Variants in FAM184A observed in about 807,000 individuals in gnomAD.
The protein encoded by FAM184A is protein FAM184A.
In FAM184A, 99 loss-of-function variants were observed where a neutral mutation model predicts 143.8. The ratio of observed to expected loss-of-function variants is 0.69; its 90% CI spans 0.58 to 0.81. FAM184A has a LOEUF of 0.81. Ranked by LOEUF, FAM184A falls within the 40% of genes least tolerant of loss-of-function variation. The probability of loss-of-function intolerance (pLI) is 0.00; values close to 1 mark genes in which losing one functional copy is unlikely to be tolerated. For synonymous variants in FAM184A, 427 were observed against 446.4 expected (o/e 0.96, Z 0.55); for missense variants, 1,217 against 1,310.5 (o/e 0.93, Z 1.10).
chr6:119,096,841 C>G (rs1408072323), intron 1 of FAM184A, among the ~76,000 whole-genome samples: 1 of 152,144 alleles, frequency 6.6e-6, no homozygotes, highest in Non-Finnish European at 1.5e-5. Flanking sequence ...TTGCTTCTCT[C>G]AGGTCCAGGC....
intron 1 of FAM184A, among the ~76,000 whole-genome samples, chr6:119,034,035 TATATATAGAGAGAG>T (rs1346083566): frequency 1.4e-3 from 47 of 34,268 alleles, no homozygotes; most frequent in Non-Finnish European, 2.0e-3. Flanking sequence ...TATATATATA[TATATATAGAGAGAG>T]AGAGAGAGAG....
intron 1 of FAM184A, among the ~76,000 whole-genome samples, chr6:119,115,615 G>A (rs1331371378): frequency 6.6e-6 from 1 of 152,140 alleles, no homozygotes; most frequent in African/African-American, 2.4e-5. Context: ...ACATAATGAG[G>A]CTTTCTGAGT....
At chr6:119,107,869 G>A (rs1440903270) in intron 1 of FAM184A, among the ~76,000 whole-genome samples, 1 of 152,012 alleles carries the variant, frequency 6.6e-6, no homozygotes, top group African/African-American at 2.4e-5. Context: ...GTTCATTGTT[G>A]GAGATGCTGT....
At chr6:119,005,913 A>G (rs373922976) in intron 7 of FAM184A, 1 of 539,244 alleles carries the variant, frequency 1.9e-6, no homozygotes, top group African/African-American at 1.9e-5. Flanking sequence ...TCTACCTCTT[A>G]CTAGTAAAAG....
chr6:119,016,626 C>T (rs1265755706), intron 5 of FAM184A, 121 bp downstream of exon 5: 2 of 773,204 alleles, frequency 2.6e-6, no homozygotes, highest in African/African-American at 1.7e-5. Context: ...GTAACACTCA[C>T]CGCGGGGGTC....
intron 9 of FAM184A, among the ~76,000 whole-genome samples, chr6:118,987,871 T>C (rs181313448): frequency 2.2e-4 from 34 of 152,296 alleles, no homozygotes; most frequent in African/African-American, 8.2e-4. Context: ...AATAAATATA[T>C]GCTTATTAAT....
At chr6:118,962,807 T>C (rs537408775) in intron 16 of FAM184A, 3 of 152,212 alleles carry the variant, frequency 2.0e-5, no homozygotes, top group East Asian at 1.9e-4. Context: ...GAATCAATGA[T>C]CATCATCTTG....
intron 9 of FAM184A, among the ~76,000 whole-genome samples, chr6:118,986,308 T>A (rs908163028): frequency 6.6e-5 from 10 of 151,796 alleles, no homozygotes; most frequent in South Asian, 4.2e-4. Context: ...AAAAAAAAAA[T>A]TTGTGGAATA....
In FAM184A at chr6:119,078,372, G is replaced by A. The variant is rs1787956420; in HGVS notation, c.-73C>T. On this transcript the variant is annotated 5_prime_UTR_variant, in exon 1 of 18. Coordinates refer to ENST00000338891, the MANE Select transcript of FAM184A (RefSeq NM_024581.6). This position sits in a 1 kb window ranked among gnomAD's most constrained non-coding sequence, Gnocchi z 5.5. ...AGGCCCGTGGAGCAACGACGCCCGGGAGGCAAGAGTCGCGGCGGCCGCTTC... is the reference window on the plus strand; with the variant it reads ...AGGCCCGTGGAGCAACGACGCCCGGAAGGCAAGAGTCGCGGCGGCCGCTTC... 7.5e-7 allele frequency: 1 copy of A among 1,342,128 alleles called. No homozygotes were observed. The highest frequency in any genetic ancestry group is 9.6e-7 in the Non-Finnish European group (1 of 1,044,146). 83.1% of individuals were successfully genotyped at this position (1,342,128 alleles called of 1,614,324 possible).
At chr6:119,050,449 TG>T (rs947972318) in intron 1 of FAM184A, among the ~76,000 whole-genome samples, 9 of 106,304 alleles carry the variant, frequency 8.5e-5, no homozygotes, top group Admixed American at 5.6e-4. Context: ...AATGACAGAT[TG>T]GGTTTTTTTT....
intron 1 of FAM184A, among the ~76,000 whole-genome samples, chr6:119,073,288 GT>G (rs1787758630): frequency 6.6e-6 from 1 of 152,180 alleles, no homozygotes; most frequent in African/African-American, 2.4e-5. Context: ...ACTTCCTGCT[GT>G]TTGGGAACTT....
At chr6:119,141,517 T>A (rs1772235488) in intron 1 of FAM184A, among the ~76,000 whole-genome samples, 1 of 152,118 alleles carries the variant, frequency 6.6e-6, no homozygotes, top group African/African-American at 2.4e-5. Flanking sequence ...CAGAGTCTGG[T>A]TCTGTCGCCC....
intron 1 of FAM184A, among the ~76,000 whole-genome samples, chr6:119,129,686 G>T (rs1270105617): frequency 6.8e-6 from 1 of 148,004 alleles, no homozygotes; most frequent in African/African-American, 2.5e-5. Flanking sequence ...ATAGGGGGGT[G>T]TTTTTTGGTT....
intron 4 of FAM184A, among the ~76,000 whole-genome samples, chr6:119,019,151 T>A (rs1021099949): frequency 6.6e-6 from 1 of 152,144 alleles, no homozygotes; most frequent in Admixed American, 6.5e-5. Context: ...GAAACATCAA[T>A]GGTAAGGGAA....
chr6:118,997,356 A>T lies in FAM184A; in HGVS notation c.2088+5543T>A, dbSNP rs139732961. ...AAAAAAAAAAAATTAAAAGAGACAG[A>T]ATACATTTCTTGCTAACATAATGAA... On this transcript the variant is annotated intron_variant, in intron 9 of 17. Coordinates refer to ENST00000338891, the MANE Select transcript of FAM184A (RefSeq NM_024581.6). 3.0e-3 allele frequency among the ~76,000 whole-genome samples: 460 copies of T among 151,840 alleles called. 1 individual carries two copies. Among genetic ancestry groups the T allele is most frequent in the African/African-American group, 0.01 (434 of 41,392 alleles).
intron 1 of FAM184A, among the ~76,000 whole-genome samples, chr6:119,057,583 A>AT: frequency 6.6e-6 from 1 of 152,094 alleles, no homozygotes; most frequent in Admixed American, 6.5e-5. Flanking sequence ...GTACAAAAAA[A>AT]TTTTTTTAAT....
intron 1 of FAM184A, among the ~76,000 whole-genome samples, chr6:119,128,838 G>T (rs1789447323): frequency 6.6e-6 from 1 of 151,974 alleles, no homozygotes; most frequent in African/African-American, 2.4e-5. Context: ...TGTGGATGGG[G>T]GAGGGGCCCT....
chr6:119,008,452 A>C (rs1308900200), intron 6 of FAM184A, among the ~76,000 whole-genome samples: 1 of 152,196 alleles, frequency 6.6e-6, no homozygotes, highest in African/African-American at 2.4e-5. Context: ...TGAAGCATGA[A>C]GTCAACACAA....
chr6:119,044,570 G>A (rs1207199136), intron 1 of FAM184A, among the ~76,000 whole-genome samples: 2 of 149,338 alleles, frequency 1.3e-5, no homozygotes, highest in Admixed American at 1.3e-4. Flanking sequence ...GTAACAAAGC[G>A]AGAACTTGTC....
Sources: allele counts gnomAD v4.1 joint callset (sites outside exome capture counted in the v4.1 genomes callset), GRCh38; gene constraint gnomAD v4.1.1; non-coding constraint Gnocchi (gnomAD v3.1); transcripts MANE v1.5; gene names NCBI Gene and HGNC (gene_info 2026-07-23, HGNC 2026-07-21).